SAA2: variants seen among roughly 807,000 people sequenced by gnomAD.
SAA2 encodes the protein serum amyloid A2.
In SAA2, 5 loss-of-function variants were observed where a neutral mutation model predicts 9.1. The observed-to-expected ratio is 0.55, with a 90% CI of 0.29 to 1.16. SAA2 has a LOEUF of 1.16. Among genes scored for constraint, SAA2 ranks in the 50% most tolerant of loss-of-function variants. The pLI is 0.09. For missense variants in SAA2, 94 were observed against 153.8 expected, an observed-to-expected ratio of 0.61 and a Z score of 2.06; for synonymous variants, 49 against 59.8, an observed-to-expected ratio of 0.82 and a Z score of 0.83.
chr11:18,241,060 A>G (rs35297452), downstream of SAA2, among the ~76,000 whole-genome samples: 21,110 of 152,256 alleles, frequency 0.14, 1,774 homozygotes, highest in East Asian at 0.3. Flanking sequence ...AAGGACATGA[A>G]CAGGTATTTT....
At chr11:18,241,224 C>T (rs951199512), downstream of SAA2, among the ~76,000 whole-genome samples, 4 of 151,774 alleles carry the variant, frequency 2.6e-5, no homozygotes, top group African/African-American at 9.7e-5. Flanking sequence ...ACTAAAATGT[C>T]AAAAAAACAA....
chr11:18,240,109 G>C (rs1434465498), intron 3 of SAA2: 5 of 1,211,928 alleles, frequency 4.1e-6, no homozygotes, highest in Non-Finnish European at 5.8e-6. Flanking sequence ...GGGAGGAGAA[G>C]ATGGGGAATG....
intron 2 of SAA2, among the ~76,000 whole-genome samples, chr11:18,246,624 C>T (rs751252251): frequency 2.6e-5 from 4 of 152,150 alleles, no homozygotes; most frequent in Admixed American, 1.3e-4. Flanking sequence ...TTCCGCTTCC[C>T]GGGTTCAAGT....
At chr11:18,239,656 G>C in exon 4 of SAA2, 2 of 421,194 alleles carry the variant, frequency 4.7e-6, no homozygotes, top group Non-Finnish European at 8.3e-6. Flanking sequence ...AGGGATTCTG[G>C]AACACCATGC....
downstream of SAA2, chr11:18,240,386 T>A: frequency 2.9e-6 from 2 of 679,462 alleles, no homozygotes; most frequent in Non-Finnish European, 2.7e-6. Flanking sequence ...GAGAATAGCC[T>A]CTTCCAGCAT....
chr11:18,247,821 T>C, intron 2 of SAA2, 100 bp downstream of exon 2: 2 of 1,437,302 alleles, frequency 1.4e-6, no homozygotes, highest in Non-Finnish European at 1.9e-6. Flanking sequence ...AGCAACTCTG[T>C]GGTTCAAAAG....
chr11:18,243,007 CTT>C (rs1311579330), downstream of SAA2, among the ~76,000 whole-genome samples: 2 of 152,166 alleles, frequency 1.3e-5, no homozygotes, highest in Non-Finnish European at 2.9e-5. Flanking sequence ...TTAGGTGTGA[CTT>C]TACAAATTAT....
At chr11:18,241,641 G>A (rs1484545475), downstream of SAA2, among the ~76,000 whole-genome samples, 1 of 152,096 alleles carries the variant, frequency 6.6e-6, no homozygotes, top group African/African-American at 2.4e-5. Context: ...TATCTTAAGT[G>A]AAATAACCCA....
intron 2 of SAA2, among the ~76,000 whole-genome samples, chr11:18,246,704 C>A (rs7128416): frequency 0.058 from 8,570 of 149,006 alleles, 379 homozygotes; most frequent in African/African-American, 0.1. Context: ...GCTACATTTT[C>A]ATATTTTTAG....
rs147907625 is a variant in SAA2 at position 18,245,272 on chromosome 11, T to C, written c.*105A>G. On this transcript the variant is annotated 3_prime_UTR_variant, in exon 4 of 4. Transcript: ENST00000256733. ...TCTTAAGCATTTATTAGATGCCTAT[T>C]ATATGCCATATCTCAGCTTCTCTGG... 6.5e-7 allele frequency: 1 copy of C among 1,545,004 alleles called. No homozygotes were observed. Among genetic ancestry groups the C allele is most frequent in the Non-Finnish European group, 8.7e-7 (1 of 1,145,362 alleles).
At chr11:18,241,143 A>G (rs898529499), downstream of SAA2, among the ~76,000 whole-genome samples, 1 of 152,234 alleles carries the variant, frequency 6.6e-6, no homozygotes, top group African/African-American at 2.4e-5. Context: ...AGAGTCACAA[A>G]TTTAAACACA....
downstream of SAA2, among the ~76,000 whole-genome samples, chr11:18,243,978 A>G (rs1006021219): frequency 6.6e-6 from 1 of 152,174 alleles, no homozygotes; most frequent in Admixed American, 6.5e-5. Context: ...AGATGAAGAC[A>G]TCTTTTCCTG....
downstream of SAA2, among the ~76,000 whole-genome samples, chr11:18,238,597 C>T (rs111348399): frequency 0.033 from 4,967 of 152,128 alleles, 274 homozygotes; most frequent in African/African-American, 0.11. Flanking sequence ...ATGCAATGCG[C>T]AATAATCACA....
At chr11:18,243,926 T>C (rs1857421150), downstream of SAA2, among the ~76,000 whole-genome samples, 1 of 152,168 alleles carries the variant, frequency 6.6e-6, no homozygotes, top group Admixed American at 6.5e-5. Context: ...TTGGGCATGA[T>C]GTTAATCTTC....
chr11:18,246,531 C>G (rs1857550231), intron 2 of SAA2, among the ~76,000 whole-genome samples: 1 of 152,126 alleles, frequency 6.6e-6, no homozygotes, highest in Admixed American at 6.5e-5. Flanking sequence ...GTTGCACTTT[C>G]TTTTTCTTTT....
intron 2 of SAA2, among the ~76,000 whole-genome samples, chr11:18,247,255 A>G (rs1194423172): frequency 6.6e-6 from 1 of 151,890 alleles, no homozygotes. Flanking sequence ...GAAACAGAAC[A>G]AACCAGGAAG....
At chr11:18,244,170 C>T (rs1857430292), downstream of SAA2, among the ~76,000 whole-genome samples, 1 of 152,196 alleles carries the variant, frequency 6.6e-6, no homozygotes, top group Non-Finnish European at 1.5e-5. Flanking sequence ...TTTTAATCAG[C>T]TTGGGCTGCT....
At chr11:18,241,955 A>G (rs1857358733), downstream of SAA2, among the ~76,000 whole-genome samples, 1 of 152,216 alleles carries the variant, frequency 6.6e-6, no homozygotes, top group African/African-American at 2.4e-5. Context: ...GAATGAACAC[A>G]TGGAAGCACA....
chr11:18,246,641 C>T (rs1184602702), intron 2 of SAA2, among the ~76,000 whole-genome samples: 1 of 152,204 alleles, frequency 6.6e-6, no homozygotes, highest in Non-Finnish European at 1.5e-5. Flanking sequence ...AAGTGATTTT[C>T]CTGCTTCAGC....
Sources: gnomAD v4.1 joint callset for allele counts (sites outside exome capture counted in the v4.1 genomes callset) on GRCh38, gnomAD v4.1.1 for gene constraint, MANE v1.5 for transcripts, NCBI Gene and HGNC (gene_info 2026-07-23, HGNC 2026-07-21) for gene names.